Variants in NGF observed in about 807,000 individuals in gnomAD.
The protein encoded by NGF is nerve growth factor.
Under a neutral mutation model 12.8 loss-of-function variants are expected in NGF, and 4 were observed. The ratio of observed to expected loss-of-function variants is 0.31; its 90% confidence interval spans 0.15 to 0.72. The LOEUF (loss-of-function observed/expected upper bound fraction) is 0.72. Among genes scored for constraint, NGF ranks in the 30% least tolerant of loss-of-function variants. The pLI is 0.69. For synonymous variants in NGF, 140 were observed against 130.0 expected (o/e 1.08, Z -0.52); for missense variants, 283 against 330.8 (o/e 0.86, Z 1.12).
chr1:115,313,259 G>C (rs913629511), intron 1 of NGF, among the ~76,000 whole-genome samples: 21 of 152,226 alleles, frequency 1.4e-4, no homozygotes, highest in Non-Finnish European at 2.8e-4. Flanking sequence ...GTAATGGTTT[G>C]AGCCTTGGAT....
chr1:115,286,932 C>T, intron 2 of NGF, 125 bp from the exon 3 acceptor site: 1 of 1,190,052 alleles, frequency 8.4e-7, no homozygotes, highest in Non-Finnish European at 1.2e-6. Flanking sequence ...AACCGGGGCA[C>T]TTCTGAGAGG....
chr1:115,304,847 G>C (rs1654152942), intron 1 of NGF, among the ~76,000 whole-genome samples: 1 of 152,134 alleles, frequency 6.6e-6, no homozygotes, highest in Admixed American at 6.5e-5. Context: ...CTGAGGAGGA[G>C]GCCTAGACAG....
chr1:115,332,810 G>T (rs571671875), intron 1 of NGF, among the ~76,000 whole-genome samples: 1 of 152,314 alleles, frequency 6.6e-6, no homozygotes, highest in African/African-American at 2.4e-5. Context: ...CTCTCAGGCA[G>T]CTAGAAACAG....
At chr1:115,287,648 C>A (rs1219958612) in intron 2 of NGF, among the ~76,000 whole-genome samples, 1 of 152,184 alleles carries the variant, frequency 6.6e-6, no homozygotes, top group Non-Finnish European at 1.5e-5. Context: ...GAAAACTGAA[C>A]CAGAAATAGA....
At chr1:115,306,235 T>C (rs543758374) in intron 1 of NGF, among the ~76,000 whole-genome samples, 8 of 152,194 alleles carry the variant, frequency 5.3e-5, no homozygotes, top group South Asian at 2.1e-4. Flanking sequence ...GCAATAAACA[T>C]TGAGCAGAAA....
At chr1:115,336,951 C>T (rs1382653709) in intron 1 of NGF, among the ~76,000 whole-genome samples, 1 of 152,206 alleles carries the variant, frequency 6.6e-6, no homozygotes, top group African/African-American at 2.4e-5. Flanking sequence ...GACTTTTCTA[C>T]AGGATTTCCA....
At chr1:115,303,503 TCACCACTACTTTCTCCATCAC>T (rs1267415241) in intron 1 of NGF, among the ~76,000 whole-genome samples, 3 of 151,718 alleles carry the variant, frequency 2.0e-5, no homozygotes, top group East Asian at 1.9e-4. Flanking sequence ...TCCATCACCA[TCACCACTACTTTCTCCATCAC>T]CATCACCACT....
intron 1 of NGF, among the ~76,000 whole-genome samples, chr1:115,337,567 C>G (rs1655166331): frequency 1.3e-5 from 2 of 152,008 alleles, no homozygotes; most frequent in Admixed American, 6.5e-5. Flanking sequence ...TGGAGGGCCC[C>G]GGTACGCCGG....
intron 2 of NGF, among the ~76,000 whole-genome samples, chr1:115,290,579 A>T (rs1363092939): frequency 6.6e-6 from 1 of 151,714 alleles, no homozygotes; most frequent in Non-Finnish European, 1.5e-5. Flanking sequence ...TATTTTTTGC[A>T]GAGGCGGGGT....
rs1557933651 is a variant in NGF at position 115,286,471 on chromosome 1, C to T, written c.325G>A (p.Gly109Ser). The change falls in exon 3 of 3, where the codon GGT becomes AGT. Residue 109 changes from glycine (G) to serine (S), a missense_variant. Gly to Ser is a moderately conservative substitution (Grantham distance 56, BLOSUM62 0). This residue lies in a region of NGF where 132 missense variants were observed against 189.2 expected (regional missense o/e 0.70). Coordinates refer to ENST00000369512, the MANE Select transcript of NGF (RefSeq NM_002506.3). ...TGAGTCCTGTTGAAGGGGGCAGCAC[C>T]ACCGACCTCGAAGTCCAGATCCTGA... ...DTQDLDFEVG[G>S]AAPFNRTHRS... The T allele has an allele frequency of 1.2e-6, 2 of 1,613,938 alleles. No homozygotes were observed. Among genetic ancestry groups the T allele is most frequent in the Non-Finnish European group, 8.5e-7 (1 of 1,179,952 alleles).
Position 115,286,097 on chromosome 1 carries a change from G to C in NGF, c.699C>G (p.Leu233=), listed in dbSNP as rs531522066. 2 of 1,613,536 alleles carry C rather than the reference G, an allele frequency of 1.2e-6. No individual in the cohort carries two copies. The highest frequency in any genetic ancestry group is 2.7e-5 in the African/African-American group (2 of 75,010). ...IRIDTACVCV[L]SRKAVRRA ...AGGCTCTTCTCACAGCCTTCCTGCT[G>C]AGCACACACACACAGGCCGTATCTA... The change falls in exon 3 of 3, where the codon CTC becomes CTG. Residue 233 remains leucine, a synonymous_variant. Coordinates refer to ENST00000369512, the MANE Select transcript of NGF (RefSeq NM_002506.3).
chr1:115,300,695 G>C (rs1454942135), intron 1 of NGF, among the ~76,000 whole-genome samples: 1 of 152,246 alleles, frequency 6.6e-6, no homozygotes, highest in Non-Finnish European at 1.5e-5. Context: ...AGGCATGAAA[G>C]AGATAACTCA....
At position 115,295,949 on chromosome 1, in the gene NGF, T is replaced by A. The variant is rs186448891; in HGVS notation, c.-136-2199A>T. ...ATACTTAACTTCCTAAAGCAAGTAA[T>A]CTAGAGATAGGAAAAGGCATGCATA... On this transcript the variant is annotated intron_variant, in intron 1 of 2. Transcript: ENST00000369512. Among the ~76,000 whole-genome samples, 617 of 152,280 alleles carry A rather than the reference T, an allele frequency of 4.1e-3. 2 individuals are homozygous for A. Among genetic ancestry groups the A allele is most frequent in the Non-Finnish European group, 7.2e-3 (487 of 68,020 alleles).
chr1:115,337,580 G>A (rs546698422), intron 1 of NGF, among the ~76,000 whole-genome samples: 1 of 152,206 alleles, frequency 6.6e-6, no homozygotes, highest in South Asian at 2.1e-4. Flanking sequence ...TACGCCGGAC[G>A]GACCCCGGCG....
chr1:115,331,156 TAAG>T (rs1654911952), intron 1 of NGF, among the ~76,000 whole-genome samples: 1 of 152,128 alleles, frequency 6.6e-6, no homozygotes, highest in Non-Finnish European at 1.5e-5. Context: ...GACTCTGAGG[TAAG>T]AACTTTCCAG....
chr1:115,326,849 G>A (rs1411013190), intron 1 of NGF, among the ~76,000 whole-genome samples: 1 of 152,134 alleles, frequency 6.6e-6, no homozygotes, highest in Non-Finnish European at 1.5e-5. Context: ...CTACAACCAA[G>A]ATGTTTCCCC....
At chr1:115,305,904 T>A (rs779717471) in intron 1 of NGF, among the ~76,000 whole-genome samples, 16 of 152,234 alleles carry the variant, frequency 1.1e-4, no homozygotes, top group Non-Finnish European at 2.1e-4. Context: ...GGGCTGAGGA[T>A]GTGATTCTCT....
intron 1 of NGF, among the ~76,000 whole-genome samples, chr1:115,326,205 G>A (rs1654768381): frequency 6.6e-6 from 1 of 152,078 alleles, no homozygotes; most frequent in South Asian, 2.1e-4. Context: ...ACTAATGAGG[G>A]AGAAGGGACA....
At chr1:115,302,572 T>C (rs1654070298) in intron 1 of NGF, among the ~76,000 whole-genome samples, 2 of 152,212 alleles carry the variant, frequency 1.3e-5, no homozygotes, top group South Asian at 4.1e-4. Context: ...ACGGTGATAA[T>C]GGAAACCATT....
Sources: allele counts gnomAD v4.1 joint callset (sites outside exome capture counted in the v4.1 genomes callset), GRCh38; gene constraint gnomAD v4.1.1; regional missense constraint gnomAD v4.1.1; transcripts MANE v1.5; gene names NCBI Gene and HGNC (gene_info 2026-07-23, HGNC 2026-07-21).